Variants in TAB3 observed in about 807,000 individuals in gnomAD.
The protein encoded by TAB3 is TGF-beta-activated kinase 1 and MAP3K7-binding protein 3.
A neutral mutation model predicts 48.1 loss-of-function variants in TAB3; 18 were observed. The observed-to-expected ratio is 0.37, with a 90% CI of 0.26 to 0.55. The LOEUF (loss-of-function observed/expected upper bound fraction) is 0.55. TAB3 is among the 20% of genes least tolerant of loss of function. TAB3 has a pLI of 0.78. For missense variants in TAB3, 414 were observed against 549.8 expected (o/e 0.75, Z 2.47); for synonymous variants, 185 against 190.2 (o/e 0.97, Z 0.22).
At chrX:30,843,217 C>T (rs953949637) in intron 8 of TAB3, 168 bp from the exon 9 acceptor site, 11 of 385,681 alleles carry the variant, frequency 2.9e-5, no homozygotes, top group South Asian at 5.0e-5. Flanking sequence ...GTGTTTTCAT[C>T]GCTGTGAGAA....
chrX:30,857,480 TAG>T (rs1939113015), intron 5 of TAB3, among the ~76,000 whole-genome samples: 1 of 110,485 alleles, frequency 9.1e-6, no homozygotes, highest in Non-Finnish European at 1.9e-5. Context: ...AAACAAAAAC[TAG>T]AGAGTTTCGT....
chrX:30,888,220 C>T (rs1456575916), intron 1 of TAB3, among the ~76,000 whole-genome samples: 1 of 112,766 alleles, frequency 8.9e-6, no homozygotes, highest in Non-Finnish European at 1.9e-5. Flanking sequence ...GTTCCCTTTT[C>T]TCATTCATTC....
intron 1 of TAB3, among the ~76,000 whole-genome samples, chrX:30,876,680 AT>A (rs56291833): frequency 1.9e-5 from 2 of 106,701 alleles, no homozygotes; most frequent in African/African-American, 3.4e-5. Flanking sequence ...TAATTTCTGT[AT>A]TTTTTTTTTG....
intron 8 of TAB3, chrX:30,844,737 G>A (rs760121281): frequency 2.7e-5 from 3 of 112,500 alleles, no homozygotes; most frequent in Non-Finnish European, 3.8e-5. Context: ...TGACTAGATT[G>A]CTCAATTCTC....
At chrX:30,838,615 A>C (rs976167285) in intron 9 of TAB3, among the ~76,000 whole-genome samples, 6 of 112,681 alleles carry the variant, frequency 5.3e-5, no homozygotes, top group African/African-American at 1.9e-4. Flanking sequence ...CAACCTTGTA[A>C]GAACAGGTAT....
At chrX:30,855,866 C>T (rs1377220795) in intron 5 of TAB3, among the ~76,000 whole-genome samples, 8 of 112,005 alleles carry the variant, frequency 7.1e-5, no homozygotes, top group Non-Finnish European at 1.3e-4. Context: ...AAATCCAGGA[C>T]TCATTTTATA....
At chrX:30,852,683 CG>C in intron 7 of TAB3, 94 bp downstream of exon 7, 1 of 933,810 alleles carries the variant, frequency 1.1e-6, no homozygotes, top group Non-Finnish European at 1.4e-6. Flanking sequence ...AACAAAAAAC[CG>C]GAACTCTGCC....
chrX:30,860,797 A>G (rs1488062747), intron 4 of TAB3, among the ~76,000 whole-genome samples: 1 of 112,101 alleles, frequency 8.9e-6, no homozygotes, highest in African/African-American at 3.2e-5. Context: ...TTGATGGTAG[A>G]TTAGAAGTAT....
At chrX:30,870,445 C>T (rs886580786) in intron 2 of TAB3, among the ~76,000 whole-genome samples, 1 of 111,415 alleles carries the variant, frequency 9.0e-6, no homozygotes, top group Admixed American at 9.5e-5. Context: ...ATACAGAAGA[C>T]CCATGTCCTC....
At position 30,854,495 on chromosome X, in the gene TAB3, T is replaced by A. The variant is rs767434755; in HGVS notation, c.1170A>T (p.Gln390His). The change falls in exon 6 of 11, where the codon CAA becomes CAT. Residue 390 changes from glutamine (Q) to histidine (H), a missense_variant. Coordinates refer to ENST00000288422, the MANE Select transcript of TAB3 (RefSeq NM_152787.5). Reference protein sequence around the residue: ...INRSPSPISNQPSPRNQHSLY... With the variant: ...INRSPSPISNHPSPRNQHSLY... ...GTGAGTGTTGATTCCGTGGAGATGG[T>A]TGATTACTGATGGGTGAAGGACTCC... The A allele has an allele frequency of 2.5e-6, 3 of 1,209,147 alleles. No individual in the cohort carries two copies. In the African/African-American group the frequency reaches 5.3e-5, roughly 21 times the overall value.
At chrX:30,871,674 T>A (rs922984346) in intron 2 of TAB3, 25 bp downstream of exon 2, 3 of 111,953 alleles carry the variant, frequency 2.7e-5, no homozygotes, top group African/African-American at 9.7e-5. Context: ...TAGATTCATT[T>A]TCAAAAAAGA....
intron 1 of TAB3, among the ~76,000 whole-genome samples, chrX:30,884,225 C>T (rs140736203): frequency 3.9e-3 from 440 of 111,568 alleles, no homozygotes; most frequent in Middle Eastern, 0.014. Flanking sequence ...GTATCATCTT[C>T]GAAAGTAGCT....
rs751658602 is a variant in TAB3, at chrX:30,874,376, G to C, written c.-382-2575C>G. On this transcript the variant is annotated intron_variant, in intron 1 of 10. Coordinates refer to ENST00000288422, the MANE Select transcript of TAB3 (RefSeq NM_152787.5). ...TTTAGAGATGTTAAATTATTGGGGA[G>C]TGAAATTATGTCTTGGCTATGCCTT... 3.6e-5 allele frequency among the ~76,000 whole-genome samples: 4 copies of C among 112,310 alleles called. No individual in the cohort carries two copies. In the South Asian group the frequency reaches 1.5e-3, roughly 42 times the overall value.
At chrX:30,831,597 G>C in intron 10 of TAB3, 22 bp from the exon 11 acceptor site, 1 of 1,198,765 alleles carries the variant, frequency 8.3e-7, no homozygotes, top group South Asian at 1.8e-5. Flanking sequence ...TAGGATTAAG[G>C]GGGAGGGGGA....
chrX:30,886,394 AG>A (rs754286887), intron 1 of TAB3, among the ~76,000 whole-genome samples: 3 of 111,521 alleles, frequency 2.7e-5, no homozygotes, highest in Non-Finnish European at 5.6e-5. Flanking sequence ...TTCACAAGTA[AG>A]GAAGTATATT....
chrX:30,845,060 A>T (rs1006980678), intron 8 of TAB3: 2 of 112,653 alleles, frequency 1.8e-5, no homozygotes, highest in African/African-American at 6.4e-5. Context: ...CTTAGGCTCA[A>T]GTGATCCTCT....
At chrX:30,835,624 T>C (rs1425927832) in intron 9 of TAB3, 3 of 111,690 alleles carry the variant, frequency 2.7e-5, no homozygotes, top group Non-Finnish European at 5.6e-5. Flanking sequence ...ATACACACTG[T>C]ATTGTTTAAC....
chrX:30,884,779 C>T (rs754453131), intron 1 of TAB3, among the ~76,000 whole-genome samples: 6 of 112,050 alleles, frequency 5.4e-5, no homozygotes, highest in South Asian at 3.7e-4. Context: ...AACCTCAACA[C>T]GCTAACACTT....
intron 1 of TAB3, among the ~76,000 whole-genome samples, chrX:30,876,076 T>C (rs1457372305): frequency 8.9e-6 from 1 of 112,229 alleles, no homozygotes; most frequent in Non-Finnish European, 1.9e-5. Context: ...GTTGGGACCC[T>C]GAAGGGCTGC....
Sources: gnomAD v4.1 joint callset for allele counts (sites outside exome capture counted in the v4.1 genomes callset) on GRCh38, gnomAD v4.1.1 for gene constraint, MANE v1.5 for transcripts, NCBI Gene and HGNC (gene_info 2026-07-23, HGNC 2026-07-21) for gene names.